MTOR: variants seen among roughly 807,000 people sequenced by gnomAD.
MTOR encodes the protein serine/threonine-protein kinase mTOR.
MTOR carries 70 observed loss-of-function variants against 319.8 expected under a neutral mutation model. That is an observed-to-expected ratio of 0.22 (90% CI 0.18 to 0.27). The LOEUF (loss-of-function observed/expected upper bound fraction) is 0.27. MTOR is among the 10% of genes least tolerant of loss of function. MTOR has a pLI of 1.00. For missense variants in MTOR, 1,890 were observed against 3,274.4 expected, an observed-to-expected ratio of 0.58 and a Z score of 10.32; for synonymous variants, 1,183 against 1,211.4, an observed-to-expected ratio of 0.98 and a Z score of 0.49.
Position 11,236,736 on chromosome 1 carries a change from C to G in MTOR, c.2208+1107G>C, listed in dbSNP as rs144748924. ...ATGTTGGCCAGGCTGGTCTTGAACT[C>G]CTGACCCCAGGTGATCTGGCCACCT... On this transcript the variant is annotated intron_variant, in intron 13 of 57. Coordinates refer to ENST00000361445, the MANE Select transcript of MTOR (RefSeq NM_004958.4). Among the ~76,000 whole-genome samples the G allele has an allele frequency of 2.4e-3, 372 of 152,030 alleles. 2 individuals carry two copies. Among genetic ancestry groups the G allele is most frequent in the South Asian group, 4.8e-3 (23 of 4,800 alleles).
chr1:11,260,514 C>T (rs1045972294), intron 1 of MTOR, among the ~76,000 whole-genome samples: 33 of 150,820 alleles, frequency 2.2e-4, no homozygotes, highest in Admixed American at 4.0e-4. Flanking sequence ...TGCACTACAG[C>T]CTGGGCAACA....
intron 3 of MTOR, 36 bp downstream of exon 3, chr1:11,258,449 G>A (rs1650711252): frequency 1.4e-6 from 2 of 1,407,370 alleles, no homozygotes; most frequent in Non-Finnish European, 2.0e-6. Context: ...ACAAAGGTGA[G>A]TGTGTTGTTT....
chr1:11,108,025 G>C (rs1641661294), intron 57 of MTOR, among the ~76,000 whole-genome samples, 156 bp downstream of exon 57: 1 of 152,056 alleles, frequency 6.6e-6, no homozygotes, highest in African/African-American at 2.4e-5. Flanking sequence ...TATAACAATG[G>C]GCACATGCAG....
intron 19 of MTOR, chr1:11,226,158 T>C (rs1201132877): frequency 1.3e-5 from 2 of 152,138 alleles, no homozygotes; most frequent in African/African-American, 2.4e-5. Flanking sequence ...AAAAACCATA[T>C]GACTATTACA....
intron 11 of MTOR, 105 bp from the exon 12 acceptor site, chr1:11,238,722 T>C: frequency 1.1e-6 from 1 of 947,386 alleles, no homozygotes; most frequent in Non-Finnish European, 1.6e-6. Flanking sequence ...CTAATTCTAC[T>C]TTCAACTAGA....
At chr1:11,223,635 CA>C (rs1346840757) in intron 19 of MTOR, among the ~76,000 whole-genome samples, 3 of 150,936 alleles carry the variant, frequency 2.0e-5, no homozygotes, top group African/African-American at 4.9e-5. Flanking sequence ...TGAGTGAAGG[CA>C]AAAGATGAAA....
rs1181850348 is a variant in MTOR at position 11,172,581 on chromosome 1, C to T, written c.4254-5064G>A. On this transcript the variant is annotated intron_variant, in intron 28 of 57. Transcript: ENST00000361445. ...TCAAAAAAAAAAAAAAAAAAAAATA[C>T]AACTTTGGGCCAGGCGCGGTGGCTC... 5.5e-5 allele frequency among the ~76,000 whole-genome samples: 6 copies of T among 109,536 alleles called. No homozygotes were observed. The South Asian group carries it at 1.9e-3, about 35-fold the overall frequency. The allele number at this position is 109,536 out of a possible 152,430, so 71.9% of individuals were successfully genotyped here.
chr1:11,189,901 C>A, intron 28 of MTOR: 3 of 1,613,984 alleles, frequency 1.9e-6, no homozygotes, highest in Non-Finnish European at 2.5e-6. Context: ...GATGAACAAC[C>A]AAATTGACAT....
At position 11,209,387 on chromosome 1, in the gene MTOR, C is replaced by T. The variant is rs1452995940; in HGVS notation, c.3726G>A (p.Gly1242=). The change falls in exon 25 of 58, where the codon GGG becomes GGA. Residue 1242 remains glycine (G), a synonymous_variant. Coordinates refer to ENST00000361445, the MANE Select transcript of MTOR (RefSeq NM_004958.4). ...CCACTGGTCCACTAGCCAATGCATCCCCTTGGCCACTCCTAAGCATCCGAT... is the reference window on the plus strand; with the variant it reads ...CCACTGGTCCACTAGCCAATGCATCTCCTTGGCCACTCCTAAGCATCCGAT... ...YQHRMLRSGQ[G]DALASGPVET... is the part of the protein sequence containing the mutation. The T allele has an allele frequency of 6.2e-7, 1 of 1,614,114 alleles. No individual in the cohort carries two copies. Among genetic ancestry groups the T allele is most frequent in the Admixed American group, 1.7e-5 (1 of 60,008 alleles).
intron 28 of MTOR, among the ~76,000 whole-genome samples, chr1:11,176,844 G>T (rs1645009076): frequency 6.6e-6 from 1 of 152,192 alleles, no homozygotes; most frequent in Admixed American, 6.5e-5. Context: ...GAAGATCTGG[G>T]GTTGGCTAGG....
chr1:11,239,317 G>C (rs557608653), intron 11 of MTOR, among the ~76,000 whole-genome samples: 1 of 152,234 alleles, frequency 6.6e-6, no homozygotes, highest in Admixed American at 6.5e-5. Context: ...ACCAGACAAA[G>C]AGTCTGTGTA....
intron 29 of MTOR, among the ~76,000 whole-genome samples, chr1:11,160,648 G>A (rs1051604880): frequency 6.6e-6 from 1 of 152,222 alleles, no homozygotes; most frequent in African/African-American, 2.4e-5. Flanking sequence ...GATAACAGCA[G>A]TAACCACTTC....
At chr1:11,118,228 A>AT (rs771785403) in intron 49 of MTOR, among the ~76,000 whole-genome samples, 2,203 of 120,686 alleles carry the variant, frequency 0.018, 182 homozygotes, top group Non-Finnish European at 0.023. Flanking sequence ...AACTTAGTTA[A>AT]TTTTTTTTTT....
At chr1:11,214,294 G>A (rs1390602920) in intron 20 of MTOR, among the ~76,000 whole-genome samples, 1 of 152,188 alleles carries the variant, frequency 6.6e-6, no homozygotes, top group Non-Finnish European at 1.5e-5. Context: ...GCCACAAAAT[G>A]AGCCCCTTTC....
In MTOR at chr1:11,126,749, G is replaced by A. The variant is rs1642860149; in HGVS notation, c.6399C>T (p.Cys2133=). ...CTGGCACAGCCAATTCAAGGTCCCG[G>A]CACATCAGAAGTTTTGGGGAAACAT... The part of the protein sequence containing the change: ...LQYVSPKLLM[C]RDLELAVPGT... Residue 2133 remains cysteine (C), a synonymous_variant, in exon 46 of 58, where the codon TGC becomes TGT. Transcript: ENST00000361445. The A allele has an allele frequency of 6.2e-6, 10 of 1,614,096 alleles. No homozygotes were observed. Among genetic ancestry groups the A allele is most frequent in the Non-Finnish European group, 8.5e-6 (10 of 1,180,018 alleles).
intron 28 of MTOR, among the ~76,000 whole-genome samples, chr1:11,192,815 C>A (rs1645598285): frequency 6.6e-6 from 1 of 150,690 alleles, no homozygotes; most frequent in Admixed American, 6.6e-5. Context: ...CAGAGCTATG[C>A]AAACACTCAG....
chr1:11,190,060 G>C, intron 28 of MTOR: 1 of 1,363,002 alleles, frequency 7.3e-7, no homozygotes, highest in East Asian at 2.3e-5. Context: ...TCTTTTGTGG[G>C]TACACTTTCC....
At chr1:11,144,371 C>T (rs1456435611) in intron 34 of MTOR, 1 of 358,784 alleles carries the variant, frequency 2.8e-6, no homozygotes. Flanking sequence ...GTTATGATTC[C>T]TAACTGACTG....
intron 18 of MTOR, among the ~76,000 whole-genome samples, chr1:11,229,451 G>A (rs1203940401): frequency 6.6e-6 from 1 of 152,164 alleles, no homozygotes; most frequent in Non-Finnish European, 1.5e-5. Context: ...GTGCAGCGAG[G>A]AGGGTAAGAA....
Sources: allele counts gnomAD v4.1 joint callset (sites outside exome capture counted in the v4.1 genomes callset), GRCh38; gene constraint gnomAD v4.1.1; transcripts MANE v1.5; gene names NCBI Gene and HGNC (gene_info 2026-07-23, HGNC 2026-07-21).